The following ZSWIM5 variants were observed in gnomAD, a reference collection of about 807,000 sequenced individuals.
The protein encoded by ZSWIM5 is zinc finger SWIM domain-containing protein 5.
Under a neutral mutation model 119.6 loss-of-function variants are expected in ZSWIM5, and 55 were observed. The ratio of observed to expected loss-of-function variants is 0.46; its 90% CI spans 0.37 to 0.58. The LOEUF is 0.58. Among genes scored for constraint, ZSWIM5 ranks in the 20% least tolerant of loss-of-function variants. The pLI is 0.00. For synonymous variants in ZSWIM5, 537 were observed against 606.9 expected (o/e 0.88, Z 1.69); for missense variants, 1,193 against 1,512.8 (o/e 0.79, Z 3.51).
At chr1:45,050,527 A>G (rs1645082986) in intron 5 of ZSWIM5, among the ~76,000 whole-genome samples, 1 of 152,198 alleles carries the variant, frequency 6.6e-6, no homozygotes. Flanking sequence ...TCTGTAGGCG[A>G]GTGGGCTCAA....
intron 1 of ZSWIM5, among the ~76,000 whole-genome samples, chr1:45,106,503 G>T (rs1475261665): frequency 4.0e-5 from 6 of 149,308 alleles, no homozygotes; most frequent in African/African-American, 1.5e-4. Context: ...CTCTTACTCT[G>T]GGAGGTGGGG....
rs1359664106 is a variant in ZSWIM5, at chr1:45,206,355, G to A, written c.-5C>T. Reference sequence around the variant, plus strand: ...TCGCTCACCTCCGTCCGCCATTGCTGGGGACTGACTGACTGACTGAGGCGG... The same window carrying A: ...TCGCTCACCTCCGTCCGCCATTGCTAGGGACTGACTGACTGACTGAGGCGG... On this transcript the variant is annotated 5_prime_UTR_variant, in exon 1 of 14. Coordinates refer to ENST00000359600, the MANE Select transcript of ZSWIM5 (RefSeq NM_020883.2). The A allele has an allele frequency of 6.9e-6, 10 of 1,441,256 alleles. No individual in the cohort carries two copies. The highest frequency in any genetic ancestry group is 3.7e-4 in the Middle Eastern group (2 of 5,354). The allele number at this position is 1,441,256 out of a possible 1,614,324, so 89.3% of individuals were successfully genotyped here.
At chr1:45,020,938 A>G in intron 11 of ZSWIM5, 150 bp from the exon 12 acceptor site, 3 of 883,268 alleles carry the variant, frequency 3.4e-6, no homozygotes, top group Non-Finnish European at 5.2e-6. Context: ...AGCTGTCTCC[A>G]CTAATCACAT....
chr1:45,190,376 G>A (rs1351389960), intron 1 of ZSWIM5, among the ~76,000 whole-genome samples: 1 of 152,100 alleles, frequency 6.6e-6, no homozygotes, highest in African/African-American at 2.4e-5. Context: ...GACCACCAGA[G>A]ATTCTGGCTA....
intron 1 of ZSWIM5, among the ~76,000 whole-genome samples, chr1:45,196,546 A>AC (rs1205562351): frequency 6.6e-6 from 1 of 151,614 alleles, no homozygotes; most frequent in African/African-American, 2.4e-5. Flanking sequence ...GCCTGCCACC[A>AC]CGCCCGGCTA....
In ZSWIM5 at chr1:45,016,748, A is replaced by G. The variant is rs1215953097; in HGVS notation, c.*1706T>C. On this transcript the variant is annotated 3_prime_UTR_variant, in exon 14 of 14. Transcript: ENST00000359600. Reference sequence around the variant, plus strand: ...CCCAACTCAGGAACTAAGACATGAAACAGTAAACACCAAGACACTGGTTCC... The same window carrying G: ...CCCAACTCAGGAACTAAGACATGAAGCAGTAAACACCAAGACACTGGTTCC... 1 of 152,274 alleles carries G rather than the reference A, an allele frequency of 6.6e-6. No individual in the cohort carries two copies. The highest frequency in any genetic ancestry group is 2.4e-5 in the African/African-American group (1 of 41,462). The allele number at this position is 152,274 out of a possible 1,614,324, so 9.4% of individuals were successfully genotyped here.
intron 1 of ZSWIM5, among the ~76,000 whole-genome samples, chr1:45,110,598 G>A (rs1280343753): frequency 2.0e-5 from 3 of 152,114 alleles, no homozygotes; most frequent in East Asian, 1.9e-4. Flanking sequence ...AGTTTCTTTC[G>A]CTCAAAAGTC....
At chr1:45,175,150 C>G (rs139634094) in intron 1 of ZSWIM5, among the ~76,000 whole-genome samples, 39 of 152,186 alleles carry the variant, frequency 2.6e-4, no homozygotes, top group Middle Eastern at 3.4e-3. Context: ...TTCAGGCTAG[C>G]TATTTTGAAG....
At chr1:45,081,882 G>A (rs2149009025) in intron 2 of ZSWIM5, among the ~76,000 whole-genome samples, 1 of 152,194 alleles carries the variant, frequency 6.6e-6, no homozygotes. Flanking sequence ...TTGTGGAATA[G>A]AAAGGGGGGA....
At chr1:45,176,382 G>A (rs1645981556) in intron 1 of ZSWIM5, among the ~76,000 whole-genome samples, 1 of 151,862 alleles carries the variant, frequency 6.6e-6, no homozygotes, top group South Asian at 2.1e-4. Flanking sequence ...TCCTGCCTCA[G>A]TCTCCTGAGT....
intron 1 of ZSWIM5, among the ~76,000 whole-genome samples, chr1:45,155,996 T>C (rs1197279788): frequency 1.3e-5 from 2 of 151,808 alleles, no homozygotes; most frequent in Non-Finnish European, 2.9e-5. Context: ...AACTTACCCA[T>C]GTAATCAAAT....
At chr1:45,153,750 T>C (rs150234182) in intron 1 of ZSWIM5, among the ~76,000 whole-genome samples, 1,687 of 151,808 alleles carry the variant, frequency 0.011, 12 homozygotes, top group Non-Finnish European at 0.019. Context: ...GCTAGAGCAA[T>C]CAGACGAGAC....
Position 45,206,034 on chromosome 1 carries a change from T to G in ZSWIM5, c.317A>C (p.Glu106Ala), listed in dbSNP as rs1248754057. The G allele has an allele frequency of 1.9e-6, 3 of 1,606,384 alleles. No homozygotes were observed. The Admixed American group carries it at 5.0e-5, about 27-fold the overall frequency. The change falls in exon 1 of 14, where the codon GAG becomes GCG. Residue 106 changes from glutamate to alanine, a missense_variant. This residue lies in a region of ZSWIM5 where 232 missense variants were observed against 222.9 expected (regional missense o/e 1.04). Transcript: ENST00000359600. ...GCTGGAGTACATGCAGATCTCCCGCTCATTCCGCGGGAAGGACCAGTAGAC... is the reference window on the plus strand; with the variant it reads ...GCTGGAGTACATGCAGATCTCCCGCGCATTCCGCGGGAAGGACCAGTAGAC... Reference protein sequence around the residue: ...RIVYWSFPRNEREICMYSSFQ... With the variant: ...RIVYWSFPRNAREICMYSSFQ...
chr1:45,170,114 C>T (rs150091408), intron 1 of ZSWIM5, among the ~76,000 whole-genome samples: 7 of 152,110 alleles, frequency 4.6e-5, no homozygotes, highest in Admixed American at 6.6e-5. Context: ...CACTGCTGTA[C>T]CTACATTCCG....
At chr1:45,035,646 C>T (rs759802414) in intron 10 of ZSWIM5, 42 bp downstream of exon 10, 1 of 1,604,994 alleles carries the variant, frequency 6.2e-7, no homozygotes, top group Non-Finnish European at 8.5e-7. Context: ...CTGGACACTT[C>T]TGCTTTGGTG....
chr1:45,059,952 T>A (rs1645143188), intron 3 of ZSWIM5, 147 bp downstream of exon 3: 1 of 1,000,400 alleles, frequency 1.0e-6, no homozygotes, highest in African/African-American at 1.6e-5. Context: ...TCAGGTCTGG[T>A]CAGCCTCTCC....
intron 1 of ZSWIM5, among the ~76,000 whole-genome samples, chr1:45,124,356 G>C (rs1645608807): frequency 6.6e-6 from 1 of 151,884 alleles, no homozygotes; most frequent in South Asian, 2.1e-4. Context: ...GAAAAGTAAG[G>C]TTTCTATACT....
Position 45,035,785 on chromosome 1 carries a change from C to T in ZSWIM5, c.2194G>A (p.Glu732Lys). Reference sequence around the variant, plus strand: ...GCAAAGGTATGCATGGGAACACTCTCTCGGTGGATGACTTCTCCCAGACCG... The same window carrying T: ...GCAAAGGTATGCATGGGAACACTCTTTCGGTGGATGACTTCTCCCAGACCG... ...FSGLGEVIHRESVPMHTFAKY... is the reference protein window; with the variant it reads ...FSGLGEVIHRKSVPMHTFAKY... Residue 732 changes from glutamate to lysine, a missense_variant, in exon 10 of 14, where the codon GAG (glutamate) becomes AAG (lysine). Around this residue, in one of 2 missense-constraint regions of ZSWIM5, gnomAD observed 961 missense variants for 1,290.0 expected, o/e 0.74. Transcript: ENST00000359600. The T allele has an allele frequency of 1.9e-6, 3 of 1,613,782 alleles. No individual in the cohort carries two copies. Among genetic ancestry groups the T allele is most frequent in the Non-Finnish European group, 2.5e-6 (3 of 1,180,008 alleles).
chr1:45,122,775 T>A (rs938192850), intron 1 of ZSWIM5, among the ~76,000 whole-genome samples: 1 of 152,172 alleles, frequency 6.6e-6, no homozygotes, highest in Admixed American at 6.5e-5. Context: ...AAGGCACTTT[T>A]AGACAATAAC....
Sources: allele counts gnomAD v4.1 joint callset (sites outside exome capture counted in the v4.1 genomes callset), GRCh38; gene constraint gnomAD v4.1.1; regional missense constraint gnomAD v4.1.1; transcripts MANE v1.5; gene names NCBI Gene and HGNC (gene_info 2026-07-23, HGNC 2026-07-21).